The following STX8 variants were observed in gnomAD, a reference collection of about 807,000 sequenced individuals.
The protein encoded by STX8 is syntaxin 8.
A neutral mutation model predicts 37.5 loss-of-function variants in STX8; 23 were observed. The ratio of observed to expected loss-of-function variants is 0.61; its 90% confidence interval spans 0.44 to 0.87. The LOEUF is 0.87. Ranked by LOEUF, STX8 falls within the 40% of genes least tolerant of loss-of-function variation. The probability of loss-of-function intolerance (pLI) is 0.00; values close to 1 mark genes in which losing one functional copy is unlikely to be tolerated. For missense variants in STX8, 313 were observed against 284.7 expected (o/e 1.10, Z -0.71); for synonymous variants, 115 against 99.1 (o/e 1.16, Z -0.95).
At chr17:9,574,101 T>C (rs1323011644) in intron 1 of STX8, among the ~76,000 whole-genome samples, 2 of 151,858 alleles carry the variant, frequency 1.3e-5, no homozygotes, top group Non-Finnish European at 2.9e-5. Context: ...TAAAACCCTG[T>C]CTCTACTAAA....
intron 7 of STX8, among the ~76,000 whole-genome samples, chr17:9,261,240 G>A (rs12938942): frequency 0.18 from 27,643 of 152,210 alleles, 3,043 homozygotes; most frequent in Middle Eastern, 0.27. Context: ...AGTGGAGACC[G>A]CATGTGAGAC....
chr17:9,453,098 G>A lies in STX8; in HGVS notation c.541+38731C>T, dbSNP rs574904175. ...TGGGATTACAGGCGTGAGCCACCGC[G>A]CCTGGCCAGGATGGGCCTTCTTTTA... On this transcript the variant is annotated intron_variant, in intron 6 of 7. Transcript: ENST00000306357. Among the ~76,000 whole-genome samples the A allele has an allele frequency of 1.1e-4, 17 of 152,134 alleles. 1 individual carries two copies. The South Asian group carries it at 3.1e-3, about 28-fold the overall frequency.
chr17:9,397,343 C>A (rs1567543289), intron 6 of STX8, among the ~76,000 whole-genome samples: 1 of 152,158 alleles, frequency 6.6e-6, no homozygotes, highest in Non-Finnish European at 1.5e-5. Flanking sequence ...TTGCAGTAAG[C>A]CGAGATCGTG....
chr17:9,392,037 C>A (rs1373801653), intron 6 of STX8, among the ~76,000 whole-genome samples: 1 of 152,172 alleles, frequency 6.6e-6, no homozygotes, highest in Admixed American at 6.5e-5. Flanking sequence ...GTGGGACAGA[C>A]CCAAACAGTA....
intron 6 of STX8, among the ~76,000 whole-genome samples, chr17:9,408,860 C>T (rs139907133): frequency 4.9e-4 from 74 of 152,182 alleles, no homozygotes; most frequent in Middle Eastern, 3.4e-3. Context: ...CCTAAGTCTA[C>T]GTGAGGGTCC....
At chr17:9,327,968 C>A (rs1472961738) in intron 7 of STX8, among the ~76,000 whole-genome samples, 1 of 143,766 alleles carries the variant, frequency 7.0e-6, no homozygotes, top group Non-Finnish European at 1.5e-5. Flanking sequence ...TTCTTTCCTT[C>A]TCCCTCCTTC....
chr17:9,326,364 T>G (rs1379866599), intron 7 of STX8, among the ~76,000 whole-genome samples: 1 of 152,106 alleles, frequency 6.6e-6, no homozygotes, highest in Non-Finnish European at 1.5e-5. Context: ...TCAAGTGATC[T>G]GCTTGCCTCA....
chr17:9,541,082 C>T (rs2142559943), intron 4 of STX8, among the ~76,000 whole-genome samples: 1 of 152,336 alleles, frequency 6.6e-6, no homozygotes, highest in African/African-American at 2.4e-5. Flanking sequence ...AACCACCTGA[C>T]ACTAACCTGC....
intron 7 of STX8, among the ~76,000 whole-genome samples, chr17:9,345,940 G>A (rs570058763): frequency 1.1e-3 from 141 of 132,288 alleles, no homozygotes; most frequent in Non-Finnish European, 1.4e-3. Flanking sequence ...CTACCTCCGC[G>A]TCCTGGGTTC....
intron 4 of STX8, among the ~76,000 whole-genome samples, chr17:9,544,497 G>A (rs368477187): frequency 6.6e-6 from 1 of 151,546 alleles, no homozygotes; most frequent in South Asian, 2.1e-4. Context: ...TTCTCAATAT[G>A]CCAATTAAAA....
At chr17:9,301,276 AAAC>A (rs748556137) in intron 7 of STX8, among the ~76,000 whole-genome samples, 68 of 152,236 alleles carry the variant, frequency 4.5e-4, no homozygotes, top group East Asian at 2.7e-3. Context: ...AATTTTTAAA[AAAC>A]AACAACAACT....
rs60423823 is a variant in STX8, at chr17:9,315,293, C to CA, written c.643+63258dup. Among the ~76,000 whole-genome samples the CA allele has an allele frequency of 8.1e-3, 1,037 of 128,628 alleles. 6 individuals carry two copies. Among genetic ancestry groups the CA allele is most frequent in the East Asian group, 0.019 (94 of 4,936 alleles). 84.4% of individuals were successfully genotyped at this position (128,628 alleles called of 152,430 possible). On this transcript the variant is annotated intron_variant, in intron 7 of 7. Coordinates refer to ENST00000306357, the MANE Select transcript of STX8 (RefSeq NM_004853.3). ...CTAAGAGTTAAAAAAACAAAAACAACAAAAAAAAAAAACAAGCAGCCCTTT... is the reference window on the plus strand; with the variant it reads ...CTAAGAGTTAAAAAAACAAAAACAACAAAAAAAAAAAAACAAGCAGCCCTTT...
At chr17:9,465,694 TC>T (rs1187842484) in intron 6 of STX8, among the ~76,000 whole-genome samples, 3 of 152,180 alleles carry the variant, frequency 2.0e-5, no homozygotes, top group African/African-American at 7.2e-5. Flanking sequence ...CTATGCGGTA[TC>T]GGATCACTCG....
chr17:9,391,982 G>C (rs1912238877), intron 6 of STX8, among the ~76,000 whole-genome samples: 1 of 152,164 alleles, frequency 6.6e-6, no homozygotes. Context: ...AACTACAGGA[G>C]AGAAAACCAC....
intron 6 of STX8, among the ~76,000 whole-genome samples, chr17:9,488,258 G>A (rs1906690829): frequency 1.3e-5 from 2 of 151,870 alleles, no homozygotes; most frequent in African/African-American, 4.8e-5. Flanking sequence ...CCCGGGAGAT[G>A]GAGGTTGCAG....
chr17:9,336,812 G>A (rs970067831), intron 7 of STX8, among the ~76,000 whole-genome samples: 3 of 152,148 alleles, frequency 2.0e-5, no homozygotes, highest in African/African-American at 7.2e-5. Context: ...GAAATGGTAT[G>A]TTTGATATTT....
intron 6 of STX8, among the ~76,000 whole-genome samples, chr17:9,383,755 A>G (rs907927850): frequency 6.6e-6 from 1 of 152,248 alleles, no homozygotes; most frequent in Admixed American, 6.5e-5. Flanking sequence ...ACTAGTAAGT[A>G]AATCTAATAA....
At chr17:9,262,051 G>A (rs1005037291) in intron 7 of STX8, among the ~76,000 whole-genome samples, 3 of 152,288 alleles carry the variant, frequency 2.0e-5, no homozygotes, top group East Asian at 1.9e-4. Context: ...CTGGCAGGGC[G>A]ACACCAGGGT....
intron 6 of STX8, among the ~76,000 whole-genome samples, chr17:9,405,409 G>A (rs1254409108): frequency 6.6e-6 from 1 of 152,106 alleles, no homozygotes; most frequent in Non-Finnish European, 1.5e-5. Flanking sequence ...GTCCCCTACT[G>A]GTAAGGTACT....
Sources: gnomAD v4.1 joint callset for allele counts (sites outside exome capture counted in the v4.1 genomes callset) on GRCh38, gnomAD v4.1.1 for gene constraint, MANE v1.5 for transcripts, NCBI Gene and HGNC (gene_info 2026-07-23, HGNC 2026-07-21) for gene names.